The following CDON variants were observed in gnomAD, a reference collection of about 807,000 sequenced individuals.
The protein encoded by CDON is cell adhesion associated, oncogene regulated.
A neutral mutation model predicts 120.9 loss-of-function variants in CDON; 73 were observed. The observed-to-expected ratio is 0.60, with a 90% CI of 0.50 to 0.73. CDON has a LOEUF of 0.73. Ranked by LOEUF, CDON falls within the 30% of genes least tolerant of loss-of-function variation. The pLI is 0.00. For missense variants in CDON, 1,470 were observed against 1,587.3 expected, an observed-to-expected ratio of 0.93 and a Z score of 1.26; for synonymous variants, 566 against 573.5, an observed-to-expected ratio of 0.99 and a Z score of 0.19.
In CDON at chr11:126,018,372, G is replaced by GTCAC; in HGVS notation, c.597_598insGTGA (p.Gln200ValfsTer6). ...CGGCCAATAGGTTCAACTTTTAATT[G>GTCAC]ATGTGTGACAGGATTATAAGCTGCA... is the stretch of plus-strand genomic sequence containing the variant. On this transcript the variant is annotated frameshift_variant, in exon 5 of 20. Coordinates refer to ENST00000531738, the MANE Select transcript of CDON (RefSeq NM_001378964.1). LOFTEE classifies it high-confidence loss of function. The GTCAC allele has an allele frequency of 6.2e-7, 1 of 1,613,896 alleles. No individual in the cohort carries two copies. The highest frequency in any genetic ancestry group is 8.5e-7 in the Non-Finnish European group (1 of 1,179,862).
In CDON at chr11:125,970,468, C is replaced by T. The variant is rs571402335; in HGVS notation, c.3356+7836G>A. Among the ~76,000 whole-genome samples, 196 of 151,982 alleles carry T rather than the reference C, an allele frequency of 1.3e-3. 1 individual carries two copies. The highest frequency in any genetic ancestry group is 1.2e-3 in the Admixed American group (19 of 15,258). On this transcript the variant is annotated intron_variant, in intron 18 of 19. Coordinates refer to ENST00000531738, the MANE Select transcript of CDON (RefSeq NM_001378964.1). ...GATTACAGACGTGAGCCACCGCACCCGGCCAGTAGTTTATGTTAAAATTCC... is the reference window on the plus strand; with the variant it reads ...GATTACAGACGTGAGCCACCGCACCTGGCCAGTAGTTTATGTTAAAATTCC...
chr11:125,986,298 G>A (rs530436013), intron 15 of CDON, among the ~76,000 whole-genome samples: 13 of 152,250 alleles, frequency 8.5e-5, no homozygotes, highest in Non-Finnish European at 1.9e-4. Context: ...GGCCTGTCAT[G>A]GGGGGAGGGG....
In CDON at chr11:126,021,468, A is replaced by C; in HGVS notation, c.129T>G (p.Gly43=). The C allele has an allele frequency of 6.2e-7, 1 of 1,614,110 alleles. No homozygotes were observed. Among genetic ancestry groups the C allele is most frequent in the Non-Finnish European group, 8.5e-7 (1 of 1,179,970 alleles). Residue 43 remains glycine (G), a synonymous_variant, in exon 3 of 20, where the codon GGT becomes GGG. Transcript: ENST00000531738. ...CAGAACAATGCAGTACTACAGGTCCACCAAGTTTCTGGACAGCAGAGAGCG... is the reference window on the plus strand; with the variant it reads ...CAGAACAATGCAGTACTACAGGTCCCCCAAGTTTCTGGACAGCAGAGAGCG... ...SEPLSAVQKL[G]GPVVLHCSAQ...
In CDON at chr11:125,957,824, C is replaced by A. The variant is rs1945525781; in HGVS notation, c.*3118G>T. ...CATTGCAATGTAACTTGCACCCTGG[C>A]AGCACCTGTCACCAGACTGTCAGTG... On this transcript the variant is annotated 3_prime_UTR_variant, in exon 20 of 20. Transcript: ENST00000531738. 1 of 152,210 alleles carries A rather than the reference C, an allele frequency of 6.6e-6. No homozygotes were observed. The highest frequency in any genetic ancestry group is 2.4e-5 in the African/African-American group (1 of 41,452). The allele number at this position is 152,210 out of a possible 1,614,324, so 9.4% of individuals were successfully genotyped here.
At chr11:125,961,127 G>A (rs200870098) in intron 19 of CDON, 22 bp from the exon 20 acceptor site, 4 of 1,611,140 alleles carry the variant, frequency 2.5e-6, no homozygotes, top group East Asian at 2.2e-5. Flanking sequence ...CAGGGTTTGG[G>A]AGCATTATCA....
chr11:126,014,386 T>C (rs1377961568), intron 7 of CDON, among the ~76,000 whole-genome samples: 1 of 152,174 alleles, frequency 6.6e-6, no homozygotes, highest in Non-Finnish European at 1.5e-5. Context: ...ACCTATCAGA[T>C]TGGCAAAGAC....
intron 11 of CDON, among the ~76,000 whole-genome samples, chr11:125,998,001 G>A (rs10893460): frequency 0.25 from 37,937 of 152,018 alleles, 5,042 homozygotes; most frequent in East Asian, 0.48. Context: ...GGATGAATAC[G>A]GGAAGACAGG....
chr11:126,041,062 G>T (rs764531680), intron 1 of CDON, among the ~76,000 whole-genome samples: 4 of 151,148 alleles, frequency 2.6e-5, no homozygotes, highest in African/African-American at 4.9e-5. Flanking sequence ...GGTGGTGCAC[G>T]CCTGTAATCC....
At position 126,015,237 on chromosome 11, in the gene CDON, C is replaced by T. The variant is rs1947427936; in HGVS notation, c.1198+4G>A. 6.2e-7 allele frequency: 1 copy of T among 1,613,648 alleles called. No homozygotes were observed. Among genetic ancestry groups the T allele is most frequent in the South Asian group, 1.1e-5 (1 of 91,062 alleles). On this transcript the variant is annotated splice_donor_region_variant and intron_variant, in intron 7 of 19. Coordinates refer to ENST00000531738, the MANE Select transcript of CDON (RefSeq NM_001378964.1). ...CTTATGACTGGCACGACCTAAAAGCCTACCATTTTCAATTTCAAGTCTTCC... is the reference window on the plus strand; with the variant it reads ...CTTATGACTGGCACGACCTAAAAGCTTACCATTTTCAATTTCAAGTCTTCC...
At chr11:125,980,170 C>T (rs1441691895) in intron 17 of CDON, among the ~76,000 whole-genome samples, 1 of 152,072 alleles carries the variant, frequency 6.6e-6, no homozygotes, top group African/African-American at 2.4e-5. Flanking sequence ...GATGTGCATC[C>T]AAACAATGTC....
intron 1 of CDON, among the ~76,000 whole-genome samples, chr11:126,047,639 TAA>T (rs1948436854): frequency 6.6e-6 from 1 of 152,188 alleles, no homozygotes; most frequent in Non-Finnish European, 1.5e-5. Flanking sequence ...ATTTTGCCTG[TAA>T]AGACTAAATG....
intron 1 of CDON, among the ~76,000 whole-genome samples, chr11:126,045,809 A>G (rs1948391858): frequency 6.6e-6 from 1 of 152,072 alleles, no homozygotes; most frequent in Non-Finnish European, 1.5e-5. Flanking sequence ...CATCTCTACT[A>G]AAAATACAAA....
intron 1 of CDON, among the ~76,000 whole-genome samples, chr11:126,048,292 A>AAAAAAG (rs1555139815): frequency 4.0e-5 from 6 of 151,852 alleles, no homozygotes; most frequent in Admixed American, 3.3e-4. Context: ...CAAAAAAAAA[A>AAAAAAG]AAAAGAAAAG....
intron 18 of CDON, among the ~76,000 whole-genome samples, chr11:125,977,602 A>T (rs1028224549): frequency 6.6e-6 from 1 of 152,190 alleles, no homozygotes; most frequent in African/African-American, 2.4e-5. Flanking sequence ...ATGTAAAAGA[A>T]AGAACTAAGA....
At chr11:126,063,106 A>C (rs1372485538), upstream of CDON, 4 of 152,112 alleles carry the variant, frequency 2.6e-5, no homozygotes, top group African/African-American at 9.7e-5. Context: ...GGAGGGGGGC[A>C]CGCTCTGGGC....
intron 18 of CDON, among the ~76,000 whole-genome samples, chr11:125,976,346 G>T (rs1946147857): frequency 6.6e-6 from 1 of 152,138 alleles, no homozygotes; most frequent in Non-Finnish European, 1.5e-5. Flanking sequence ...TGAAGGCAAT[G>T]CAGGCAAGTA....
At chr11:126,018,789 T>G (rs1301824056) in intron 4 of CDON, among the ~76,000 whole-genome samples, 1 of 152,162 alleles carries the variant, frequency 6.6e-6, no homozygotes, top group Non-Finnish European at 1.5e-5. Flanking sequence ...AGGCTAGTCT[T>G]GAACTCCTGG....
chr11:126,027,210 T>C (rs1332867061), intron 1 of CDON, among the ~76,000 whole-genome samples: 2 of 152,054 alleles, frequency 1.3e-5, no homozygotes, highest in East Asian at 3.8e-4. Flanking sequence ...AGAGCTGTGA[T>C]AATGACAACA....
At chr11:126,048,284 A>G (rs1948457678) in intron 1 of CDON, among the ~76,000 whole-genome samples, 1 of 147,448 alleles carries the variant, frequency 6.8e-6, no homozygotes, top group Non-Finnish European at 1.5e-5. Flanking sequence ...CTCTGTCTCA[A>G]AAAAAAAAAA....
Sources: allele counts gnomAD v4.1 joint callset (sites outside exome capture counted in the v4.1 genomes callset), GRCh38; gene constraint gnomAD v4.1.1; transcripts MANE v1.5; gene names NCBI Gene and HGNC (gene_info 2026-07-23, HGNC 2026-07-21).